The following CD96 variants were observed in gnomAD, a reference collection of about 807,000 sequenced individuals.
CD96 encodes the protein CD96 molecule.
Under a neutral mutation model 71.3 loss-of-function variants are expected in CD96, and 70 were observed. That is an observed-to-expected ratio of 0.98 (90% CI 0.81 to 1.20). The LOEUF is 1.20. Ranked by LOEUF, CD96 falls within the 50% of genes most tolerant of loss-of-function variation. The pLI is 0.00. For missense variants in CD96, 742 were observed against 677.5 expected (o/e 1.10, Z -1.06); for synonymous variants, 248 against 233.0 (o/e 1.06, Z -0.59).
intron 2 of CD96, among the ~76,000 whole-genome samples, chr3:111,553,118 A>C (rs1934802109): frequency 6.6e-6 from 1 of 151,124 alleles, no homozygotes; most frequent in Non-Finnish European, 1.5e-5. Flanking sequence ...AAAACTAAAA[A>C]AAAATTAGTA....
At chr3:111,623,356 T>G (rs1451184205) in intron 8 of CD96, among the ~76,000 whole-genome samples, 1 of 152,194 alleles carries the variant, frequency 6.6e-6, no homozygotes, top group Non-Finnish European at 1.5e-5. Flanking sequence ...ATATTTAGCA[T>G]GTGAAGATAC....
rs888651884 is a variant in CD96 at position 111,649,620 on chromosome 3, A to G, written c.1602-78A>G. The G allele has an allele frequency of 3.3e-6, 3 of 908,986 alleles. No homozygotes were observed. The East Asian group carries it at 7.2e-5, about 22-fold the overall frequency. 56.3% of individuals were successfully genotyped at this position (908,986 alleles called of 1,614,324 possible). A position where few individuals can be genotyped will look rare whatever the true frequency, so the allele number is the denominator to read the frequency against. On this transcript the variant is annotated intron_variant, in intron 13 of 13. Transcript: ENST00000352690. ...ATCAATCTGTGTTCTCCTTTAAAGA[A>G]ACAACACATGTCTGTGTGTGTGTGT...
chr3:111,596,497 C>A (rs145776697), intron 5 of CD96, among the ~76,000 whole-genome samples: 1 of 152,074 alleles, frequency 6.6e-6, no homozygotes, highest in Non-Finnish European at 1.5e-5. Flanking sequence ...CAGTTGCCTT[C>A]GTAAAATAAT....
chr3:111,582,491 A>G (rs1936511614), intron 4 of CD96, among the ~76,000 whole-genome samples: 1 of 152,220 alleles, frequency 6.6e-6, no homozygotes, highest in Non-Finnish European at 1.5e-5. Flanking sequence ...TCCTAGTGCC[A>G]AGCAACCAAA....
At chr3:111,616,138 C>T (rs1406408170) in intron 8 of CD96, among the ~76,000 whole-genome samples, 1 of 151,560 alleles carries the variant, frequency 6.6e-6, no homozygotes, top group African/African-American at 2.4e-5. Flanking sequence ...CTATAAGTTA[C>T]CTGTTTGGCT....
At chr3:111,656,105 C>A (rs1940221008), downstream of CD96, among the ~76,000 whole-genome samples, 1 of 151,774 alleles carries the variant, frequency 6.6e-6, no homozygotes, top group Non-Finnish European at 1.5e-5. Context: ...GATGATATAT[C>A]AATATACATA....
intron 8 of CD96, among the ~76,000 whole-genome samples, chr3:111,620,672 C>T (rs1415181457): frequency 6.6e-6 from 1 of 152,124 alleles, no homozygotes; most frequent in African/African-American, 2.4e-5. Context: ...GACTAGGAGA[C>T]TAGGTATCAT....
At chr3:111,544,024 A>T (rs1934251321) in intron 1 of CD96, among the ~76,000 whole-genome samples, 1 of 152,174 alleles carries the variant, frequency 6.6e-6, no homozygotes. Context: ...TGGTCTCTAA[A>T]GGTCTCTTTG....
chr3:111,623,647 G>A, intron 8 of CD96, 107 bp from the exon 9 acceptor site: 2 of 748,016 alleles, frequency 2.7e-6, no homozygotes, highest in Middle Eastern at 2.4e-4. Context: ...TGTTCACTAA[G>A]ATTCTTTCCA....
chr3:111,601,981 A>T (rs1051150626), intron 7 of CD96, among the ~76,000 whole-genome samples: 1 of 152,204 alleles, frequency 6.6e-6, no homozygotes, highest in African/African-American at 2.4e-5. Context: ...GTATATGTAT[A>T]TGTATGAACA....
intron 7 of CD96, among the ~76,000 whole-genome samples, chr3:111,601,849 T>A (rs1401346232): frequency 1.3e-5 from 2 of 152,156 alleles, no homozygotes; most frequent in Non-Finnish European, 2.9e-5. Flanking sequence ...CCTTCACAGG[T>A]GCAGTGGTTG....
At chr3:111,654,389 G>A (rs1940178766), downstream of CD96, among the ~76,000 whole-genome samples, 1 of 152,238 alleles carries the variant, frequency 6.6e-6, no homozygotes, top group South Asian at 2.1e-4. Context: ...CCTTAAGCTA[G>A]GTCAGGGCCA....
chr3:111,567,958 T>G (rs182444192), intron 3 of CD96, among the ~76,000 whole-genome samples: 2 of 152,360 alleles, frequency 1.3e-5, no homozygotes, highest in East Asian at 3.9e-4. Flanking sequence ...AGGAGCCATA[T>G]TCAGCAGAAG....
chr3:111,629,030 G>C (rs574493183), intron 10 of CD96, among the ~76,000 whole-genome samples: 79 of 152,208 alleles, frequency 5.2e-4, no homozygotes, highest in African/African-American at 1.9e-3. Context: ...AAATGGAAAG[G>C]AAAGACCATT....
At position 111,542,222 on chromosome 3, in the gene CD96, A is replaced by AT; in HGVS notation, c.-26dup. ...AATTGACTTTGTGATCATTACAGAAATGCTGGTGTAAGGTGTTCAGAAGAC... is the reference window on the plus strand; with the variant it reads ...AATTGACTTTGTGATCATTACAGAAATTGCTGGTGTAAGGTGTTCAGAAGAC... On this transcript the variant is annotated 5_prime_UTR_variant, in exon 1 of 14. The change abolishes an upstream ATG in the 5' untranslated region. Coordinates refer to ENST00000352690, the MANE Select transcript of CD96 (RefSeq NM_005816.5). The AT allele has an allele frequency of 2.5e-6, 4 of 1,603,338 alleles. No individual in the cohort carries two copies. Among genetic ancestry groups the AT allele is most frequent in the Non-Finnish European group, 3.4e-6 (4 of 1,170,114 alleles).
intron 4 of CD96, chr3:111,579,473 T>G: frequency 3.4e-6 from 2 of 580,762 alleles, no homozygotes; most frequent in Non-Finnish European, 6.3e-6. Flanking sequence ...TCTGTATTGG[T>G]CAGTTTTCTG....
At chr3:111,569,312 G>A (rs1432505642) in intron 3 of CD96, among the ~76,000 whole-genome samples, 1 of 152,166 alleles carries the variant, frequency 6.6e-6, no homozygotes, top group East Asian at 1.9e-4. Context: ...CCAAATGGTT[G>A]TAAAACCTAC....
chr3:111,614,006 A>T (rs992983100), intron 8 of CD96, among the ~76,000 whole-genome samples: 1 of 152,232 alleles, frequency 6.6e-6, no homozygotes, highest in East Asian at 1.9e-4. Context: ...CTTGGCCTCT[A>T]AAAGAAATTT....
At chr3:111,662,539 AG>A (rs1940383324) in intron 14 of CD96, among the ~76,000 whole-genome samples, 1 of 152,258 alleles carries the variant, frequency 6.6e-6, no homozygotes, top group South Asian at 2.1e-4. Context: ...AAATGAGCAT[AG>A]GCTTTAAGAA....
Sources: gnomAD v4.1 joint callset for allele counts (sites outside exome capture counted in the v4.1 genomes callset) on GRCh38, gnomAD v4.1.1 for gene constraint, MANE v1.5 for transcripts, NCBI Gene and HGNC (gene_info 2026-07-23, HGNC 2026-07-21) for gene names.